EBF1: variants seen among roughly 807,000 people sequenced by gnomAD.
The protein encoded by EBF1 is transcription factor COE1.
EBF1 carries 10 observed loss-of-function variants against 68.4 expected under a neutral mutation model. The ratio of observed to expected loss-of-function variants is 0.15; its 90% CI spans 0.09 to 0.25. The LOEUF (loss-of-function observed/expected upper bound fraction) is 0.25. Ranked by LOEUF, EBF1 falls within the 10% of genes least tolerant of loss-of-function variation. The probability of loss-of-function intolerance (pLI) is 1.00; values close to 1 mark genes in which losing one functional copy is unlikely to be tolerated. For missense variants in EBF1, 509 were observed against 794.4 expected, an observed-to-expected ratio of 0.64 and a Z score of 4.32; for synonymous variants, 298 against 299.8, an observed-to-expected ratio of 0.99 and a Z score of 0.06.
intron 6 of EBF1, among the ~76,000 whole-genome samples, chr5:158,862,326 T>A (rs914275037): frequency 3.9e-5 from 6 of 152,084 alleles, no homozygotes; most frequent in Non-Finnish European, 8.8e-5. Flanking sequence ...TAAGTTGGGT[T>A]CCAGGGACAT....
intron 6 of EBF1, among the ~76,000 whole-genome samples, chr5:159,062,646 G>A (rs1027141321): frequency 6.6e-6 from 1 of 152,142 alleles, no homozygotes; most frequent in South Asian, 2.1e-4. Flanking sequence ...CACTGATTTC[G>A]CGTTTGACAT....
intron 2 of EBF1, 121 bp downstream of exon 2, chr5:159,096,853 C>T (rs1371002686): frequency 2.3e-6 from 3 of 1,302,124 alleles, no homozygotes; most frequent in Admixed American, 5.0e-5. Context: ...GCTTGGGGGA[C>T]CCCCACATAG....
At chr5:158,948,770 C>T (rs2127495255) in intron 6 of EBF1, among the ~76,000 whole-genome samples, 1 of 152,344 alleles carries the variant, frequency 6.6e-6, no homozygotes, top group South Asian at 2.1e-4. Flanking sequence ...TCTTCATGGA[C>T]AGAGAAGCCG....
intron 6 of EBF1, among the ~76,000 whole-genome samples, chr5:159,017,540 G>T (rs956458320): frequency 3.3e-5 from 5 of 152,154 alleles, no homozygotes; most frequent in African/African-American, 9.7e-5. Context: ...ATCCCAGTAG[G>T]TCTAATAAAT....
intron 4 of EBF1, among the ~76,000 whole-genome samples, chr5:159,090,257 GAA>G (rs59655056): frequency 0.31 from 43,059 of 137,922 alleles, 6,503 homozygotes; most frequent in Middle Eastern, 0.35. Context: ...AAAAAAGAAA[GAA>G]AAAAAAAAAG....
At chr5:159,007,074 G>A (rs1763715460) in intron 6 of EBF1, among the ~76,000 whole-genome samples, 2 of 152,154 alleles carry the variant, frequency 1.3e-5, no homozygotes, top group Non-Finnish European at 1.5e-5. Context: ...TAATTCATGT[G>A]TCCTCATTGT....
intron 10 of EBF1, among the ~76,000 whole-genome samples, chr5:158,774,027 G>A (rs903596228): frequency 2.6e-5 from 4 of 152,112 alleles, no homozygotes; most frequent in African/African-American, 9.7e-5. Flanking sequence ...AGTCAGCCTT[G>A]CCCTACATTT....
intron 1 of EBF1, among the ~76,000 whole-genome samples, chr5:159,098,131 C>T (rs1463504992): frequency 6.6e-6 from 1 of 152,240 alleles, no homozygotes; most frequent in Admixed American, 6.5e-5. Context: ...CTTCCCCTTC[C>T]GCACTCTGAG....
intron 3 of EBF1, 180 bp downstream of exon 3, chr5:159,096,163 G>A (rs1250216685): frequency 3.7e-5 from 24 of 644,054 alleles, no homozygotes; most frequent in Non-Finnish European, 2.6e-6. Flanking sequence ...AAGGCTCTTG[G>A]GCCACTAGGA....
chr5:158,723,352 T>C (rs1762323678), intron 11 of EBF1, among the ~76,000 whole-genome samples: 2 of 152,152 alleles, frequency 1.3e-5, no homozygotes, highest in African/African-American at 4.8e-5. Flanking sequence ...TGGAGTCCAA[T>C]AGACTTGGCT....
chr5:158,985,698 A>G (rs374061894), intron 6 of EBF1: 1 of 152,218 alleles, frequency 6.6e-6, no homozygotes, highest in East Asian at 1.9e-4. Flanking sequence ...ACATCTCCCA[A>G]ATCACTATTA....
intron 10 of EBF1, among the ~76,000 whole-genome samples, chr5:158,740,913 T>A (rs543355816): frequency 3.9e-5 from 6 of 152,222 alleles, no homozygotes; most frequent in Non-Finnish European, 7.3e-5. Context: ...ACCCTGAGTA[T>A]CTCAGCAATC....
At chr5:158,945,616 A>C (rs777171335) in intron 6 of EBF1, among the ~76,000 whole-genome samples, 1 of 152,012 alleles carries the variant, frequency 6.6e-6, no homozygotes, top group Non-Finnish European at 1.5e-5. Flanking sequence ...TTTTTCCTTC[A>C]TTTCAACCTT....
At chr5:158,833,816 T>C (rs1002526114) in intron 7 of EBF1, among the ~76,000 whole-genome samples, 2 of 152,250 alleles carry the variant, frequency 1.3e-5, no homozygotes, top group African/African-American at 2.4e-5. Context: ...ATATGTTCTA[T>C]TTGTTACAAG....
intron 6 of EBF1, among the ~76,000 whole-genome samples, chr5:158,843,121 G>A (rs1582461707): frequency 1.3e-5 from 2 of 152,232 alleles, no homozygotes; most frequent in East Asian, 1.9e-4. Flanking sequence ...GGAGGTAGAC[G>A]TCATTGCCAT....
chr5:158,886,346 C>G (rs1234493687), intron 6 of EBF1, among the ~76,000 whole-genome samples: 1 of 152,222 alleles, frequency 6.6e-6, no homozygotes, highest in African/African-American at 2.4e-5. Context: ...TCATCAATAA[C>G]TGACACATTC....
At chr5:158,880,100 C>A (rs192597533) in intron 6 of EBF1, among the ~76,000 whole-genome samples, 172 of 152,330 alleles carry the variant, frequency 1.1e-3, no homozygotes, top group Non-Finnish European at 1.9e-3. Flanking sequence ...TTGTGCACTT[C>A]GCAAATCGCC....
At chr5:158,708,295 C>A (rs1375366117) in intron 14 of EBF1, 122 bp from the exon 15 acceptor site, 2 of 974,974 alleles carry the variant, frequency 2.1e-6, no homozygotes, top group East Asian at 5.3e-5. Context: ...GCTTCCAGCA[C>A]AAACCTTCCC....
chr5:158,852,156 C>T (rs553715340), intron 6 of EBF1, among the ~76,000 whole-genome samples: 8 of 132,082 alleles, frequency 6.1e-5, no homozygotes, highest in African/African-American at 2.1e-4. Flanking sequence ...AATAAATAAA[C>T]TCACTTTTCA....
Sources: gnomAD v4.1 joint callset for allele counts (sites outside exome capture counted in the v4.1 genomes callset) on GRCh38, gnomAD v4.1.1 for gene constraint, MANE v1.5 for transcripts, NCBI Gene and HGNC (gene_info 2026-07-23, HGNC 2026-07-21) for gene names.